Variants in SNAP91 observed in about 807,000 individuals in gnomAD.
SNAP91 encodes the protein clathrin coat assembly protein AP180.
A neutral mutation model predicts 100.3 loss-of-function variants in SNAP91; 27 were observed. The observed-to-expected ratio is 0.27, with a 90% CI of 0.20 to 0.37. The LOEUF is 0.37. SNAP91 is among the 10% of genes least tolerant of loss of function. The pLI, the probability that SNAP91 is intolerant of heterozygous loss-of-function variation, is 1.00. For synonymous variants in SNAP91, 404 were observed against 398.6 expected, an observed-to-expected ratio of 1.01 and a Z score of -0.16; for missense variants, 986 against 1,123.7, an observed-to-expected ratio of 0.88 and a Z score of 1.75.
chr6:83,602,837 T>G (rs1446601154), intron 14 of SNAP91, among the ~76,000 whole-genome samples: 3 of 152,018 alleles, frequency 2.0e-5, no homozygotes, highest in African/African-American at 7.2e-5. Flanking sequence ...TATAAAAACG[T>G]ACTCCCTGGG....
At chr6:83,626,162 G>T (rs217344) in intron 8 of SNAP91, among the ~76,000 whole-genome samples, 119,380 of 151,936 alleles carry the variant, frequency 0.79, 47,259 homozygotes, top group African/African-American at 0.87. Flanking sequence ...AAAGATCAGT[G>T]GTTTGTAGGT....
In SNAP91 at chr6:83,593,541, T is replaced by TGGTGGGAGCGGC. The variant is rs1554226765; in HGVS notation, c.1632_1633insGCCGCTCCCACC (p.Thr544_Thr545insAlaAlaProThr). 3.9e-6 allele frequency: 6 copies of TGGTGGGAGCGGC among 1,553,108 alleles called. No individual in the cohort carries two copies. The African/African-American group carries it at 8.2e-5, about 21-fold the overall frequency. The stretch of plus-strand genomic sequence containing the variant: ...GTGGCAGCGGAGGTGGTGGTAGTGG[T>TGGTGGGAGCGGC]GGTGGCAGCGGCGGTGGCAGCAGTA... On this transcript the variant is annotated inframe_insertion, in exon 18 of 30. Coordinates refer to ENST00000369694, the MANE Select transcript of SNAP91 (RefSeq NM_001242792.2).
chr6:83,675,731 G>A (rs147720613), intron 2 of SNAP91, among the ~76,000 whole-genome samples: 3 of 151,350 alleles, frequency 2.0e-5, no homozygotes, highest in Admixed American at 6.6e-5. Flanking sequence ...CTTTATTACC[G>A]TAAGGGAGAT....
Position 83,586,065 on chromosome 6 carries a change from G to GTC in SNAP91, c.2015-3711_2015-3710dup, listed in dbSNP as rs2128153864. Among the ~76,000 whole-genome samples, 2 of 152,088 alleles carry GTC rather than the reference G, an allele frequency of 1.3e-5. 1 individual carries two copies. The highest frequency in any genetic ancestry group is 3.9e-4 in the East Asian group (2 of 5,172). ...GGGTTTCACCATGTTGGCCAGGATG[G>GTC]TCTCGATCTCCTGACCTTGTGATCT... On this transcript the variant is annotated intron_variant, in intron 22 of 29. Coordinates refer to ENST00000369694, the MANE Select transcript of SNAP91 (RefSeq NM_001242792.2).
intron 13 of SNAP91, 104 bp downstream of exon 13, chr6:83,607,595 G>T (rs1583465848): frequency 3.0e-6 from 2 of 666,314 alleles, no homozygotes; most frequent in African/African-American, 3.7e-5. Flanking sequence ...ACATTACTAG[G>T]ATTAGATTTC....
At chr6:83,568,040 G>A (rs1179648310) in intron 26 of SNAP91, among the ~76,000 whole-genome samples, 1 of 151,402 alleles carries the variant, frequency 6.6e-6, no homozygotes, top group East Asian at 1.9e-4. Flanking sequence ...AAAGACACAT[G>A]CACACGTATG....
At chr6:83,638,698 A>G (rs940983698) in intron 8 of SNAP91, among the ~76,000 whole-genome samples, 1 of 152,186 alleles carries the variant, frequency 6.6e-6, no homozygotes, top group East Asian at 1.9e-4. Flanking sequence ...TAAATGGATA[A>G]TTGTGTTCAA....
chr6:83,568,152 C>A (rs369270458), intron 26 of SNAP91, among the ~76,000 whole-genome samples: 4 of 152,200 alleles, frequency 2.6e-5, no homozygotes, highest in Non-Finnish European at 4.4e-5. Context: ...ACACCATGGA[C>A]TACTATGCAG....
rs537086489 is a variant in SNAP91 at position 83,677,151 on chromosome 6, C to T, written c.131-11570G>A. Among the ~76,000 whole-genome samples, 3 of 152,244 alleles carry T rather than the reference C, an allele frequency of 2.0e-5. No individual in the cohort carries two copies. The East Asian group carries it at 5.8e-4, about 29-fold the overall frequency. On this transcript the variant is annotated intron_variant, in intron 2 of 29. Transcript: ENST00000369694. ...GTCACTCTCTTCCTTGACTTCATTC[C>T]CAACCACAGGAGACCCCATGCCTTG...
intron 7 of SNAP91, among the ~76,000 whole-genome samples, chr6:83,656,081 T>C (rs1189938574): frequency 6.6e-6 from 1 of 152,166 alleles, no homozygotes; most frequent in African/African-American, 2.4e-5. Flanking sequence ...TAAGAAACAT[T>C]GAACTACACC....
chr6:83,606,738 G>C (rs932764846), intron 13 of SNAP91, among the ~76,000 whole-genome samples: 2 of 152,052 alleles, frequency 1.3e-5, no homozygotes, highest in East Asian at 3.8e-4. Context: ...TTGAAGAAAG[G>C]ATTCTGCTGC....
At chr6:83,687,355 G>T (rs1043852179) in intron 2 of SNAP91, among the ~76,000 whole-genome samples, 1 of 152,050 alleles carries the variant, frequency 6.6e-6, no homozygotes, top group Non-Finnish European at 1.5e-5. Context: ...TCCTACATGG[G>T]CCATATGTTT....
rs1040136976 is a variant in SNAP91, at chr6:83,694,722, CAG to C, written c.130+13074_130+13075del. 1.9e-4 allele frequency among the ~76,000 whole-genome samples: 29 copies of C among 152,090 alleles called. 1 individual carries two copies. The highest frequency in any genetic ancestry group is 1.8e-3 in the Admixed American group (28 of 15,272). On this transcript the variant is annotated intron_variant, in intron 2 of 29. Coordinates refer to ENST00000369694, the MANE Select transcript of SNAP91 (RefSeq NM_001242792.2). Reference sequence around the variant, plus strand: ...ATGTGTGAAACAGAAACAAGCGAAACAGGGGGTGGAGGAAGAATCCTGAACAA... The same window carrying C: ...ATGTGTGAAACAGAAACAAGCGAAACGGGGTGGAGGAAGAATCCTGAACAA...
At chr6:83,636,950 G>A (rs1278709511) in intron 8 of SNAP91, among the ~76,000 whole-genome samples, 2 of 152,170 alleles carry the variant, frequency 1.3e-5, no homozygotes, top group African/African-American at 4.8e-5. Flanking sequence ...TAGGTTCTGA[G>A]GTTATAGATG....
intron 26 of SNAP91, among the ~76,000 whole-genome samples, chr6:83,573,740 G>C (rs1387253453): frequency 6.6e-6 from 1 of 152,168 alleles, no homozygotes; most frequent in Non-Finnish European, 1.5e-5. Context: ...GGGAAAACTG[G>C]CTAGCCATAT....
chr6:83,629,530 T>C (rs1160157722), intron 8 of SNAP91, among the ~76,000 whole-genome samples: 1 of 152,120 alleles, frequency 6.6e-6, no homozygotes, highest in Non-Finnish European at 1.5e-5. Context: ...TATGATTTCT[T>C]TCAGCGGTGT....
chr6:83,598,194 T>A (rs1375927872), intron 16 of SNAP91, among the ~76,000 whole-genome samples: 1 of 152,230 alleles, frequency 6.6e-6, no homozygotes, highest in Non-Finnish European at 1.5e-5. Context: ...TTGCCTTTTA[T>A]TTTTGTCAAT....
chr6:83,585,598 C>A (rs1467128091), intron 22 of SNAP91, among the ~76,000 whole-genome samples: 1 of 151,276 alleles, frequency 6.6e-6, no homozygotes, highest in African/African-American at 2.4e-5. Context: ...TTTTGTGCAT[C>A]CTGTAATCAT....
intron 2 of SNAP91, among the ~76,000 whole-genome samples, chr6:83,673,345 C>T (rs1209896024): frequency 6.6e-6 from 1 of 152,112 alleles, no homozygotes; most frequent in African/African-American, 2.4e-5. Context: ...CCCCAGAGAG[C>T]ATACTAGTTC....
Sources: allele counts gnomAD v4.1 joint callset (sites outside exome capture counted in the v4.1 genomes callset), GRCh38; gene constraint gnomAD v4.1.1; transcripts MANE v1.5; gene names NCBI Gene and HGNC (gene_info 2026-07-23, HGNC 2026-07-21).